The following ZNF721 variants were observed in gnomAD, a reference collection of about 807,000 sequenced individuals.
The protein encoded by ZNF721 is zinc finger protein 721.
A neutral mutation model predicts 2.4 loss-of-function variants in ZNF721; 2 were observed. That is an observed-to-expected ratio of 0.82 (90% CI 0.34 to 2.58). The LOEUF (loss-of-function observed/expected upper bound fraction) is 2.58. Among genes scored for constraint, ZNF721 ranks in the 30% most tolerant of loss-of-function variants. The pLI, the probability that ZNF721 is intolerant of heterozygous loss-of-function variation, is 0.11. For missense variants in ZNF721, 1,187 were observed against 1,085.5 expected (o/e 1.09, Z -1.31); for synonymous variants, 398 against 381.8 (o/e 1.04, Z -0.50).
chr4:447,421 C>A (rs1238868635), intron 2 of ZNF721, among the ~76,000 whole-genome samples: 1 of 151,330 alleles, frequency 6.6e-6, no homozygotes, highest in Admixed American at 6.6e-5. Context: ...ATAGATACGC[C>A]AAAAAATAAG....
In ZNF721 at chr4:444,301, T is replaced by G. The variant is rs781874292; in HGVS notation, c.166A>C (p.Met56Leu). 19 of 1,614,052 alleles carry G rather than the reference T, an allele frequency of 1.2e-5. No individual in the cohort carries two copies. The highest frequency in any genetic ancestry group is 1.6e-5 in the Non-Finnish European group (19 of 1,180,024). The stretch of plus-strand genomic sequence containing the variant: ...CCCTTCTGCACTTTACACACGTTCA[T>G]ACTTTTACAGCCTTTCCTTAATTGT... ...NLQLRKGCKS[M>L]NVCKVQKGVY... Residue 56 changes from methionine to leucine, a missense_variant, in exon 3 of 3, where the codon ATG becomes CTG. Transcript: ENST00000511833.
chr4:447,739 C>T lies in ZNF721; in HGVS notation c.35-3307G>A, dbSNP rs545802956. The stretch of plus-strand genomic sequence containing the variant: ...TAACCAAATTATATAACACAAAGTA[C>T]ATCTTAAGTCAAAACTATCCTATTT... On this transcript the variant is annotated intron_variant, in intron 2 of 2. Coordinates refer to ENST00000511833, the MANE Select transcript of ZNF721 (RefSeq NM_133474.4). Among the ~76,000 whole-genome samples, 44 of 152,250 alleles carry T rather than the reference C, an allele frequency of 2.9e-4. No homozygotes were observed. In the South Asian group the frequency reaches 9.1e-3, roughly 32 times the overall value.
chr4:441,656 A>G lies in ZNF721; in HGVS notation c.*39T>C. 6.6e-7 allele frequency: 1 copy of G among 1,508,486 alleles called. No homozygotes were observed. The highest frequency in any genetic ancestry group is 8.9e-7 in the Non-Finnish European group (1 of 1,117,812). 93.4% of individuals were successfully genotyped at this position (1,508,486 alleles called of 1,614,324 possible). ...CCTGGTATGAGTTCTCTTATGTTTAAGAATGCTGTAGTATGACTTAAAGGC... is the reference window on the plus strand; with the variant it reads ...CCTGGTATGAGTTCTCTTATGTTTAGGAATGCTGTAGTATGACTTAAAGGC... On this transcript the variant is annotated 3_prime_UTR_variant, in exon 3 of 3. Transcript: ENST00000511833.
At chr4:472,048 A>G (rs2108711848) in intron 2 of ZNF721, among the ~76,000 whole-genome samples, 1 of 152,270 alleles carries the variant, frequency 6.6e-6, no homozygotes, top group Middle Eastern at 3.4e-3. Context: ...AAACTTTGCT[A>G]AAATTATTAT....
At chr4:450,197 G>T (rs1714605951) in intron 2 of ZNF721, among the ~76,000 whole-genome samples, 1 of 148,488 alleles carries the variant, frequency 6.7e-6, no homozygotes, top group Non-Finnish European at 1.5e-5. Context: ...AACAAAATCA[G>T]TATGTCAAAG....
rs1398932481 is a variant in ZNF721 at position 441,481 on chromosome 4, C to T, written c.*214G>A. On this transcript the variant is annotated 3_prime_UTR_variant, in exon 3 of 3. Coordinates refer to ENST00000511833, the MANE Select transcript of ZNF721 (RefSeq NM_133474.4). ...TTGGCTTCTCATCAATATAATTACT[C>T]TTATGTCTACAACAGATTGAGGTGT... The T allele has an allele frequency of 2.1e-6, 1 of 468,158 alleles. No individual in the cohort carries two copies. Among genetic ancestry groups the T allele is most frequent in the Non-Finnish European group, 3.7e-6 (1 of 268,968 alleles). 29.0% of individuals were successfully genotyped at this position (468,158 alleles called of 1,614,324 possible). A position where few individuals can be genotyped will look rare whatever the true frequency, so the allele number is the denominator to read the frequency against.
intron 2 of ZNF721, among the ~76,000 whole-genome samples, chr4:471,111 T>C (rs572408773): frequency 6.6e-6 from 1 of 152,026 alleles, no homozygotes; most frequent in South Asian, 2.1e-4. Flanking sequence ...GGCAAAAGGT[T>C]AGATTTTTTT....
chr4:492,612 GTTT>G (rs544900364), intron 1 of ZNF721, among the ~76,000 whole-genome samples: 1 of 139,258 alleles, frequency 7.2e-6, no homozygotes, highest in Non-Finnish European at 1.6e-5. Context: ...AAAGTTTTGG[GTTT>G]TTTTTTTTTT....
intron 1 of ZNF721, among the ~76,000 whole-genome samples, chr4:493,759 T>C (rs1179695330): frequency 6.6e-6 from 1 of 151,864 alleles, no homozygotes; most frequent in Non-Finnish European, 1.5e-5. Context: ...CCAATATCAG[T>C]GTCTCATTTA....
chr4:461,557 T>G (rs949438203), intron 2 of ZNF721, among the ~76,000 whole-genome samples: 1 of 152,190 alleles, frequency 6.6e-6, no homozygotes, highest in South Asian at 2.1e-4. Flanking sequence ...AAGGATGCCC[T>G]CTCTCACCAC....
intron 1 of ZNF721, among the ~76,000 whole-genome samples, chr4:482,407 C>T (rs1461912071): frequency 8.5e-5 from 13 of 152,238 alleles, no homozygotes; most frequent in East Asian, 7.7e-4. Flanking sequence ...TCAGGGGATC[C>T]GCCCACCTCG....
intron 1 of ZNF721, among the ~76,000 whole-genome samples, chr4:478,922 A>G (rs1715704752): frequency 1.3e-5 from 2 of 151,916 alleles, no homozygotes; most frequent in African/African-American, 4.8e-5. Flanking sequence ...GGCACCCACC[A>G]CCATGCCAGG....
chr4:459,600 G>A (rs922556139), intron 2 of ZNF721, among the ~76,000 whole-genome samples: 8 of 152,158 alleles, frequency 5.3e-5, no homozygotes, highest in Admixed American at 4.6e-4. Context: ...AGAGGCCGAG[G>A]TGGACAGATC....
intron 2 of ZNF721, among the ~76,000 whole-genome samples, chr4:472,356 A>G (rs1484179209): frequency 1.3e-5 from 2 of 152,238 alleles, no homozygotes; most frequent in Non-Finnish European, 2.9e-5. Flanking sequence ...CACTGCACCC[A>G]GCCCTAAAAT....
intron 1 of ZNF721, among the ~76,000 whole-genome samples, chr4:498,575 T>C (rs1716432102): frequency 6.6e-6 from 1 of 152,136 alleles, no homozygotes; most frequent in Admixed American, 6.5e-5. Context: ...ACCCTATCAT[T>C]TGCCACAACA....
At chr4:495,489 CA>C (rs1234991279) in intron 1 of ZNF721, among the ~76,000 whole-genome samples, 5 of 143,034 alleles carry the variant, frequency 3.5e-5, no homozygotes, top group South Asian at 2.1e-4. Context: ...ATCTCTCGAT[CA>C]GGGGTAGCTT....
chr4:488,629 A>G (rs1282906531), intron 1 of ZNF721, among the ~76,000 whole-genome samples: 1 of 152,162 alleles, frequency 6.6e-6, no homozygotes, highest in Non-Finnish European at 1.5e-5. Context: ...GAAGAGATTG[A>G]GACCATCCTG....
At chr4:466,007 T>C (rs1372553977) in intron 2 of ZNF721, among the ~76,000 whole-genome samples, 1 of 150,512 alleles carries the variant, frequency 6.6e-6, no homozygotes, top group Non-Finnish European at 1.5e-5. Flanking sequence ...TTCTTTTTTT[T>C]TTTTTTTGAG....
Position 474,156 on chromosome 4 carries a change from C to A in ZNF721, c.-93-1455G>T, listed in dbSNP as rs373983193. 6.5e-5 allele frequency: 43 copies of A among 666,108 alleles called. No individual in the cohort carries two copies. The East Asian group carries it at 7.6e-4, about 12-fold the overall frequency. The allele number at this position is 666,108 out of a possible 1,614,324, so 41.3% of individuals were successfully genotyped here. A position where few individuals can be genotyped will look rare whatever the true frequency, so the allele number is the denominator to read the frequency against. ...GGCTGAAGCAACAGGCCAAGGCCGC[C>A]GAAGATCCCGGATGCCGCCCCCTCC... On this transcript the variant is annotated intron_variant, in intron 1 of 2. Transcript: ENST00000511833.
Sources: allele counts gnomAD v4.1 joint callset (sites outside exome capture counted in the v4.1 genomes callset), GRCh38; gene constraint gnomAD v4.1.1; transcripts MANE v1.5; gene names NCBI Gene and HGNC (gene_info 2026-07-23, HGNC 2026-07-21).